ULK2: variants seen among roughly 807,000 people sequenced by gnomAD.
ULK2 encodes the protein serine/threonine-protein kinase ULK2.
ULK2 carries 76 observed loss-of-function variants against 127.5 expected under a neutral mutation model. The observed-to-expected ratio is 0.60, with a 90% CI of 0.50 to 0.72. ULK2 has a LOEUF of 0.72. Among genes scored for constraint, ULK2 ranks in the 30% least tolerant of loss-of-function variants. The pLI is 0.00. For missense variants in ULK2, 1,144 were observed against 1,295.9 expected, an observed-to-expected ratio of 0.88 and a Z score of 1.80; for synonymous variants, 452 against 461.9, an observed-to-expected ratio of 0.98 and a Z score of 0.28.
At chr17:19,809,734 A>G (rs74942723) in intron 14 of ULK2, among the ~76,000 whole-genome samples, 1 of 136,814 alleles carries the variant, frequency 7.3e-6, no homozygotes, top group Non-Finnish European at 1.5e-5. Context: ...CTCCGTCTCA[A>G]AAAAAAAAAA....
Position 19,849,354 on chromosome 17 carries a change from C to T in ULK2, c.295+15G>A, listed in dbSNP as rs768262695. ...GCACTGTCTTTACTGAACACTGACA[C>T]ACATACACAGTTACCTTGCAAATAA... On this transcript the variant is annotated intron_variant, in intron 5 of 26. Coordinates refer to ENST00000395544, the MANE Select transcript of ULK2 (RefSeq NM_014683.4). 11 of 1,606,582 alleles carry T rather than the reference C, an allele frequency of 6.8e-6. No homozygotes were observed. The South Asian group carries it at 1.2e-4, about 18-fold the overall frequency.
At chr17:19,845,443 T>A in intron 6 of ULK2, 66 bp from the exon 7 acceptor site, 1 of 1,233,818 alleles carries the variant, frequency 8.1e-7, no homozygotes. Flanking sequence ...ATATATCATA[T>A]GATTCTTCGA....
intron 20 of ULK2, among the ~76,000 whole-genome samples, chr17:19,794,300 G>A (rs1567681130): frequency 6.6e-6 from 1 of 152,164 alleles, no homozygotes; most frequent in East Asian, 1.9e-4. Context: ...CCAACTATAA[G>A]AGTAGAACAT....
At chr17:19,781,183 T>A in intron 23 of ULK2, 79 bp from the exon 24 acceptor site, 1 of 1,127,634 alleles carries the variant, frequency 8.9e-7, no homozygotes, top group Non-Finnish European at 1.3e-6. Context: ...AGGTCACCAT[T>A]AAAATTGCCT....
chr17:19,814,439 T>TATATATATATATA (rs1491246393), intron 13 of ULK2, among the ~76,000 whole-genome samples: 5 of 9,986 alleles, frequency 5.0e-4, no homozygotes, highest in Admixed American at 1.4e-3. Context: ...TATATATATA[T>TATATATATATATA]TTTTTTTTTT....
chr17:19,852,933 A>T (rs2042049990), intron 3 of ULK2, among the ~76,000 whole-genome samples: 1 of 152,056 alleles, frequency 6.6e-6, no homozygotes. Context: ...TACAGGCGTG[A>T]GCCACCGTGC....
chr17:19,784,423 G>A (rs1386145860), intron 21 of ULK2, among the ~76,000 whole-genome samples: 1 of 150,236 alleles, frequency 6.7e-6, no homozygotes, highest in East Asian at 2.0e-4. Flanking sequence ...TATTTTTACA[G>A]CTCTTCCTAA....
chr17:19,839,141 A>G (rs567764363), intron 9 of ULK2, among the ~76,000 whole-genome samples: 11 of 152,136 alleles, frequency 7.2e-5, no homozygotes, highest in Non-Finnish European at 1.3e-4. Context: ...TGCAGGAGTA[A>G]GGCACCTCAA....
chr17:19,841,064 T>A (rs1377194253), intron 9 of ULK2, among the ~76,000 whole-genome samples: 3 of 151,724 alleles, frequency 2.0e-5, no homozygotes, highest in African/African-American at 7.3e-5. Context: ...CATCTCAAGA[T>A]ACAAGTTCGA....
At chr17:19,841,788 A>C (rs1337794425) in intron 8 of ULK2, among the ~76,000 whole-genome samples, 1 of 152,192 alleles carries the variant, frequency 6.6e-6, no homozygotes, top group East Asian at 1.9e-4. Flanking sequence ...TGAAGGACCC[A>C]TAACTGGTCA....
Position 19,774,891 on chromosome 17 carries a change from G to C in ULK2, c.*1458C>G, listed in dbSNP as rs994543526. ...TGAGAGGTAGAAACACTGTATTAAA[G>C]ACCTAAAAATACAAACGTCATATAA... On this transcript the variant is annotated 3_prime_UTR_variant, in exon 27 of 27. Coordinates refer to ENST00000395544, the MANE Select transcript of ULK2 (RefSeq NM_014683.4). The C allele has an allele frequency of 1.3e-5, 2 of 152,556 alleles. No individual in the cohort carries two copies. The highest frequency in any genetic ancestry group is 4.8e-5 in the African/African-American group (2 of 41,448). The allele number at this position is 152,556 out of a possible 1,614,324, so 9.5% of individuals were successfully genotyped here. A position where few individuals can be genotyped will look rare whatever the true frequency, so the allele number is the denominator to read the frequency against.
At chr17:19,795,353 A>T (rs2152385045) in intron 20 of ULK2, among the ~76,000 whole-genome samples, 1 of 146,646 alleles carries the variant, frequency 6.8e-6, no homozygotes, top group South Asian at 2.1e-4. Context: ...CTGATAAAAA[A>T]AAAAAAAAAA....
chr17:19,792,935 C>T (rs1308137188), intron 20 of ULK2, among the ~76,000 whole-genome samples: 1 of 152,090 alleles, frequency 6.6e-6, no homozygotes, highest in Non-Finnish European at 1.5e-5. Flanking sequence ...CATAAATTGA[C>T]ATATAGATCA....
chr17:19,781,187 A>T, intron 23 of ULK2, 83 bp from the exon 24 acceptor site: 1 of 1,097,550 alleles, frequency 9.1e-7, no homozygotes, highest in Non-Finnish European at 1.3e-6. Context: ...CACCATTAAA[A>T]TTGCCTTTCT....
chr17:19,858,924 C>A (rs1029825287), intron 3 of ULK2, among the ~76,000 whole-genome samples: 1 of 151,408 alleles, frequency 6.6e-6, no homozygotes, highest in African/African-American at 2.4e-5. Context: ...GAGCCAGGAT[C>A]GTGCCACTGC....
intron 10 of ULK2, among the ~76,000 whole-genome samples, chr17:19,834,910 GAA>G (rs199677501): frequency 3.3e-5 from 4 of 120,938 alleles, no homozygotes; most frequent in Admixed American, 8.6e-5. Context: ...CTCTGTCTCA[GAA>G]AAAAAAAAAA....
intron 3 of ULK2, among the ~76,000 whole-genome samples, chr17:19,851,825 A>G (rs2042022673): frequency 6.6e-6 from 1 of 151,360 alleles, no homozygotes; most frequent in African/African-American, 2.4e-5. Flanking sequence ...GGAGTTCGAG[A>G]CCTCGATGTC....
intron 10 of ULK2, among the ~76,000 whole-genome samples, chr17:19,835,846 G>C (rs933528138): frequency 1.3e-5 from 2 of 151,860 alleles, no homozygotes; most frequent in African/African-American, 4.8e-5. Flanking sequence ...TTTTGACTAG[G>C]AACAATGGCT....
rs751051869 is a variant in ULK2 at position 19,797,598 on chromosome 17, T to C, written c.1607A>G (p.Tyr536Cys). The C allele has an allele frequency of 1.2e-6, 2 of 1,613,656 alleles. No homozygotes were observed. The highest frequency in any genetic ancestry group is 1.7e-6 in the Non-Finnish European group (2 of 1,179,916). Reference protein sequence around the residue: ...LQSAPTLTDIYQNKQKLRKQH... With the variant: ...LQSAPTLTDICQNKQKLRKQH... The stretch of plus-strand genomic sequence containing the variant: ...TTTTCTGAGCTTCTGCTTGTTCTGA[T>C]AGATGTCAGTGAGGGTGGGGGCGCT... Residue 536 changes from tyrosine (Y) to cysteine (C), a missense_variant, in exon 18 of 27, where the codon TAT becomes TGT. Physicochemically the swap from Tyr to Cys is radical, Grantham distance 194. Transcript: ENST00000395544.
Sources: gnomAD v4.1 joint callset for allele counts (sites outside exome capture counted in the v4.1 genomes callset) on GRCh38, gnomAD v4.1.1 for gene constraint, MANE v1.5 for transcripts, NCBI Gene and HGNC (gene_info 2026-07-23, HGNC 2026-07-21) for gene names.